The following SCFD2 variants were observed in gnomAD, a reference collection of about 807,000 sequenced individuals.
SCFD2 encodes sec1 family domain containing 2.
In SCFD2, 54 loss-of-function variants were observed where a neutral mutation model predicts 58.9. The ratio of observed to expected loss-of-function variants is 0.92; its 90% confidence interval spans 0.74 to 1.15. The LOEUF is 1.15. Among genes scored for constraint, SCFD2 ranks in the 50% most tolerant of loss-of-function variants. The probability of loss-of-function intolerance (pLI) is 0.00; values close to 1 mark genes in which losing one functional copy is unlikely to be tolerated. For synonymous variants in SCFD2, 321 were observed against 335.9 expected (o/e 0.96, Z 0.49); for missense variants, 805 against 836.6 (o/e 0.96, Z 0.47).
At chr4:53,210,614 A>G (rs1728577288) in intron 4 of SCFD2, among the ~76,000 whole-genome samples, 1 of 151,980 alleles carries the variant, frequency 6.6e-6, no homozygotes, top group African/African-American at 2.4e-5. Flanking sequence ...TCTGAAAAAC[A>G]TATTATTTAT....
At chr4:53,028,492 A>G (rs569632599) in intron 5 of SCFD2, among the ~76,000 whole-genome samples, 3 of 152,318 alleles carry the variant, frequency 2.0e-5, no homozygotes, top group Non-Finnish European at 4.4e-5. Flanking sequence ...TGTTCAACAC[A>G]ATCAAGGAGG....
intron 5 of SCFD2, among the ~76,000 whole-genome samples, chr4:52,969,912 T>A (rs11133238): frequency 5.4e-4 from 82 of 152,120 alleles, no homozygotes; most frequent in African/African-American, 2.0e-3. Flanking sequence ...CATGCAAAAA[T>A]GAAAATCACT....
intron 2 of SCFD2, among the ~76,000 whole-genome samples, chr4:53,329,534 CCTGT>C (rs1331908433): frequency 6.7e-6 from 1 of 149,250 alleles, no homozygotes; most frequent in Non-Finnish European, 1.5e-5. Context: ...AGCTGAGGGT[CCTGT>C]CTGTTAGAAG....
At chr4:53,090,748 G>C (rs1002165980) in intron 5 of SCFD2, among the ~76,000 whole-genome samples, 1 of 152,148 alleles carries the variant, frequency 6.6e-6, no homozygotes, top group Non-Finnish European at 1.5e-5. Flanking sequence ...TGCCCTCATG[G>C]AGCTTACATT....
At chr4:53,124,359 G>C (rs1725565490) in intron 5 of SCFD2, among the ~76,000 whole-genome samples, 1 of 152,128 alleles carries the variant, frequency 6.6e-6, no homozygotes, top group Non-Finnish European at 1.5e-5. Flanking sequence ...ATTTTCTTCT[G>C]AGAAAAGAAG....
chr4:52,948,029 A>G (rs1183489370), intron 5 of SCFD2, among the ~76,000 whole-genome samples: 3 of 151,996 alleles, frequency 2.0e-5, no homozygotes, highest in African/African-American at 7.2e-5. Context: ...ATCACAAAAA[A>G]TCACGTACAA....
chr4:53,215,227 T>C, intron 4 of SCFD2, among the ~76,000 whole-genome samples: 1 of 152,148 alleles, frequency 6.6e-6, no homozygotes, highest in East Asian at 1.9e-4. Context: ...GCATTGAATC[T>C]ATAAATTACC....
At chr4:53,139,708 A>G (rs1726067908) in intron 5 of SCFD2, among the ~76,000 whole-genome samples, 1 of 152,206 alleles carries the variant, frequency 6.6e-6, no homozygotes, top group Non-Finnish European at 1.5e-5. Context: ...TGGGAGGTGT[A>G]CCCAACAGCT....
intron 5 of SCFD2, among the ~76,000 whole-genome samples, chr4:53,122,430 C>T (rs1228467423): frequency 2.0e-5 from 3 of 151,960 alleles, no homozygotes; most frequent in East Asian, 1.9e-4. Flanking sequence ...GCTGACAAGC[C>T]GCAGCTCACT....
chr4:53,209,125 G>C (rs775987275), intron 4 of SCFD2, among the ~76,000 whole-genome samples: 17 of 152,206 alleles, frequency 1.1e-4, no homozygotes, highest in Admixed American at 4.6e-4. Flanking sequence ...TCATCCTATG[G>C]AGGTTACATG....
At chr4:53,234,837 T>C (rs2412404) in intron 4 of SCFD2, among the ~76,000 whole-genome samples, 82,178 of 152,076 alleles carry the variant, frequency 0.54, 22,406 homozygotes, top group Middle Eastern at 0.62. Context: ...AATTGGAATG[T>C]AGTTCACCTA....
chr4:53,241,504 C>T (rs534170159), intron 4 of SCFD2, among the ~76,000 whole-genome samples: 2 of 152,298 alleles, frequency 1.3e-5, no homozygotes, highest in Non-Finnish European at 2.9e-5. Context: ...ATCATAGCTC[C>T]TGTGCTGGTG....
chr4:52,907,586 A>C lies in SCFD2; in HGVS notation c.1713T>G (p.Ser571=). Reference sequence around the variant, plus strand: ...CAACTTGCTTCAACAATGGCTTATAAGATGCCTGGAAAGACAAAATACTAT... The same window carrying C: ...CAACTTGCTTCAACAATGGCTTATACGATGCCTGGAAAGACAAAATACTAT... ...YVPGNHTHQA[S]YKPLLKQVVE... Residue 571 remains serine, a synonymous_variant, in exon 7 of 9, where the codon TCT becomes TCG. Transcript: ENST00000401642. 3 of 1,614,072 alleles carry C rather than the reference A, an allele frequency of 1.9e-6. No homozygotes were observed. The highest frequency in any genetic ancestry group is 2.5e-6 in the Non-Finnish European group (3 of 1,179,942).
chr4:53,180,771 A>G (rs1276474660), intron 4 of SCFD2, among the ~76,000 whole-genome samples: 1 of 152,204 alleles, frequency 6.6e-6, no homozygotes, highest in Non-Finnish European at 1.5e-5. Flanking sequence ...CTAATAAAGA[A>G]GAAAAGAGAG....
At chr4:53,155,193 G>C (rs1442268893) in intron 4 of SCFD2, among the ~76,000 whole-genome samples, 1 of 152,338 alleles carries the variant, frequency 6.6e-6, no homozygotes, top group Admixed American at 6.5e-5. Context: ...GTACACGGTG[G>C]TAGGATGCTG....
chr4:53,264,473 C>A (rs921178805), intron 4 of SCFD2, among the ~76,000 whole-genome samples: 3 of 152,136 alleles, frequency 2.0e-5, no homozygotes, highest in African/African-American at 7.2e-5. Flanking sequence ...AGTAACAATA[C>A]CCCATGCTGC....
intron 5 of SCFD2, among the ~76,000 whole-genome samples, chr4:52,923,297 T>C (rs1257728961): frequency 1.3e-5 from 2 of 151,816 alleles, no homozygotes; most frequent in Non-Finnish European, 2.9e-5. Flanking sequence ...GCCAACATGG[T>C]GAAACCCTGT....
chr4:53,182,815 AAAC>A lies in SCFD2; in HGVS notation c.1312-37236_1312-37234del, dbSNP rs897705198. ...CTCAAACAAATTTACAAGAAAAAAA[AAAC>A]AACCCCATCAAAAAGTGGGCCAAGG... On this transcript the variant is annotated intron_variant, in intron 4 of 8. Coordinates refer to ENST00000401642, the MANE Select transcript of SCFD2 (RefSeq NM_152540.4). 2.7e-3 allele frequency among the ~76,000 whole-genome samples: 410 copies of A among 152,076 alleles called. 1 individual carries two copies. Among genetic ancestry groups the A allele is most frequent in the African/African-American group, 9.4e-3 (392 of 41,532 alleles).
chr4:53,024,663 T>G (rs1242027288), intron 5 of SCFD2, among the ~76,000 whole-genome samples: 1 of 150,920 alleles, frequency 6.6e-6, no homozygotes, highest in African/African-American at 2.4e-5. Flanking sequence ...CAGCAATCAT[T>G]AGGGATAGTA....
Sources: gnomAD v4.1 joint callset for allele counts (sites outside exome capture counted in the v4.1 genomes callset) on GRCh38, gnomAD v4.1.1 for gene constraint, MANE v1.5 for transcripts, NCBI Gene and HGNC (gene_info 2026-07-23, HGNC 2026-07-21) for gene names.